The following ESRRG variants were observed in gnomAD, a reference collection of about 807,000 sequenced individuals.
ESRRG encodes the protein estrogen related receptor gamma, also known as estrogen-related receptor gamma.
Under a neutral mutation model 44.0 loss-of-function variants are expected in ESRRG, and 13 were observed. The ratio of observed to expected loss-of-function variants is 0.30; its 90% CI spans 0.19 to 0.47. The LOEUF is 0.47. Among genes scored for constraint, ESRRG ranks in the 20% least tolerant of loss-of-function variants. The probability of loss-of-function intolerance (pLI) is 1.00; values close to 1 mark genes in which losing one functional copy is unlikely to be tolerated. For missense variants in ESRRG, 395 were observed against 580.6 expected, an observed-to-expected ratio of 0.68 and a Z score of 3.29; for synonymous variants, 215 against 214.6, an observed-to-expected ratio of 1.00 and a Z score of -0.02.
In ESRRG at chr1:216,506,554, AAG is replaced by A. The variant is rs1290377863; in HGVS notation, c.*383_*384del. The stretch of plus-strand genomic sequence containing the variant: ...CTAAAGCTATTTCAAATTTAGAAAA[AAG>A]GGGAAGGATGAGAAAAGAGAGGAAT... On this transcript the variant is annotated 3_prime_UTR_variant, in exon 7 of 7. Coordinates refer to ENST00000408911, the MANE Select transcript of ESRRG (RefSeq NM_001438.4). 6.9e-6 allele frequency: 3 copies of A among 437,282 alleles called. No individual in the cohort carries two copies. The highest frequency in any genetic ancestry group is 9.0e-6 in the Non-Finnish European group (2 of 223,202). 27.1% of individuals were successfully genotyped at this position (437,282 alleles called of 1,614,324 possible).
chr1:216,801,932 T>C (rs558179524), intron 2 of ESRRG, among the ~76,000 whole-genome samples: 1 of 152,284 alleles, frequency 6.6e-6, no homozygotes, highest in East Asian at 1.9e-4. Flanking sequence ...TCAAAAATAC[T>C]CTGCAGATGG....
At chr1:216,699,782 T>G (rs1387159887) in intron 1 of ESRRG, among the ~76,000 whole-genome samples, 1 of 152,184 alleles carries the variant, frequency 6.6e-6, no homozygotes, top group Non-Finnish European at 1.5e-5. Flanking sequence ...TACCTCTTGC[T>G]GAAAAAGTCA....
rs542748496 is a variant in ESRRG, at chr1:216,859,529, G to A, written c.-14+80053C>T. ...GCATGCATGCAAGGAAACTATTGAA[G>A]GCTGGGAAAAGAATCATTAAAAAGT... On this transcript the variant is annotated intron_variant, in intron 2 of 7. Coordinates refer to the ESRRG transcript ENST00000359162. Among the ~76,000 whole-genome samples, 7 of 152,280 alleles carry A rather than the reference G, an allele frequency of 4.6e-5. No individual in the cohort carries two copies. The East Asian group carries it at 1.4e-3, about 29-fold the overall frequency.
At chr1:216,974,405 TG>T (rs2072423634) in intron 1 of ESRRG, among the ~76,000 whole-genome samples, 1 of 152,174 alleles carries the variant, frequency 6.6e-6, no homozygotes, top group Admixed American at 6.6e-5. Context: ...CTGAAACTCC[TG>T]ATATGACAAT....
At chr1:217,037,526 C>G (rs539901310) in intron 1 of ESRRG, among the ~76,000 whole-genome samples, 1 of 152,252 alleles carries the variant, frequency 6.6e-6, no homozygotes, top group South Asian at 2.1e-4. Context: ...TCAATCATCT[C>G]CTACTGAGTC....
intron 5 of ESRRG, among the ~76,000 whole-genome samples, chr1:216,526,675 A>G (rs1162364957): frequency 2.6e-5 from 4 of 152,200 alleles, no homozygotes; most frequent in Non-Finnish European, 4.4e-5. Context: ...TTATCTGTCA[A>G]TTGCAAACTG....
At chr1:216,979,228 G>A (rs2073507289) in intron 1 of ESRRG, among the ~76,000 whole-genome samples, 2 of 151,988 alleles carry the variant, frequency 1.3e-5, no homozygotes. Flanking sequence ...TGGACATGTT[G>A]AAAAAGACTT....
At chr1:216,589,111 T>C (rs1211305120) in intron 3 of ESRRG, among the ~76,000 whole-genome samples, 1 of 152,216 alleles carries the variant, frequency 6.6e-6, no homozygotes, top group African/African-American at 2.4e-5. Flanking sequence ...ATACTTGAGA[T>C]GATTTTGAGA....
At chr1:216,996,063 C>T (rs1362285960) in intron 1 of ESRRG, among the ~76,000 whole-genome samples, 5 of 152,114 alleles carry the variant, frequency 3.3e-5, no homozygotes, top group Non-Finnish European at 7.4e-5. Context: ...AGTTTATCCC[C>T]TTGCTAAAAG....
intron 1 of ESRRG, among the ~76,000 whole-genome samples, chr1:216,712,039 T>G (rs187808896): frequency 6.6e-6 from 1 of 152,236 alleles, no homozygotes; most frequent in Non-Finnish European, 1.5e-5. Flanking sequence ...GATTTCAAAT[T>G]TGACCTTCCT....
At chr1:216,992,186 G>T (rs142380850) in intron 1 of ESRRG, among the ~76,000 whole-genome samples, 2 of 152,276 alleles carry the variant, frequency 1.3e-5, no homozygotes, top group African/African-American at 4.8e-5. Flanking sequence ...AAGCTTCCAA[G>T]CTGTCAGTCT....
At chr1:216,671,128 T>C (rs554559396) in intron 2 of ESRRG, among the ~76,000 whole-genome samples, 3 of 152,346 alleles carry the variant, frequency 2.0e-5, no homozygotes, top group South Asian at 4.1e-4. Flanking sequence ...ACAGGGAAGA[T>C]ATGCTACTAC....
chr1:216,527,981 T>C (rs1318029091), intron 5 of ESRRG, among the ~76,000 whole-genome samples: 1 of 151,930 alleles, frequency 6.6e-6, no homozygotes, highest in East Asian at 1.9e-4. Flanking sequence ...TTTCCTGCTA[T>C]GTCTCCAGCT....
At chr1:217,083,391 A>G (rs1172927004) in intron 1 of ESRRG, among the ~76,000 whole-genome samples, 1 of 152,232 alleles carries the variant, frequency 6.6e-6, no homozygotes, top group African/African-American at 2.4e-5. Flanking sequence ...TAGTTAGTTT[A>G]TAGAAAGGAA....
intron 2 of ESRRG, among the ~76,000 whole-genome samples, chr1:216,939,060 T>A (rs374432540): frequency 3.3e-5 from 5 of 152,126 alleles, no homozygotes; most frequent in Non-Finnish European, 7.4e-5. Flanking sequence ...AATTGGAATC[T>A]AATGGATACC....
chr1:216,763,011 A>G (rs1488439789), intron 2 of ESRRG, among the ~76,000 whole-genome samples: 1 of 152,076 alleles, frequency 6.6e-6, no homozygotes, highest in Non-Finnish European at 1.5e-5. Context: ...ACTCCTATAG[A>G]AATTTTCTTT....
At position 216,503,643 on chromosome 1, in the gene ESRRG, C is replaced by T. The variant is rs1558112110; in HGVS notation, c.*3296G>A. On this transcript the variant is annotated 3_prime_UTR_variant, in exon 7 of 7. Coordinates refer to ENST00000408911, the MANE Select transcript of ESRRG (RefSeq NM_001438.4). ...TTTCCTAGGCAGGTAAACAGAGACG[C>T]TTAAATAATTAAAATACAATCACCA... The T allele has an allele frequency of 6.6e-6, 1 of 152,402 alleles. No homozygotes were observed. Among genetic ancestry groups the T allele is most frequent in the African/African-American group, 2.4e-5 (1 of 41,382 alleles). The allele number at this position is 152,402 out of a possible 1,614,324, so 9.4% of individuals were successfully genotyped here.
intron 1 of ESRRG, among the ~76,000 whole-genome samples, chr1:216,720,694 T>C (rs2086062470): frequency 1.3e-5 from 2 of 152,052 alleles, no homozygotes; most frequent in Non-Finnish European, 2.9e-5. Flanking sequence ...AAAGAAGAGA[T>C]GAGAAAAAGA....
intron 1 of ESRRG, among the ~76,000 whole-genome samples, chr1:217,126,960 A>G (rs138789162): frequency 6.6e-6 from 1 of 152,306 alleles, no homozygotes; most frequent in African/African-American, 2.4e-5. Flanking sequence ...AATAGATGTG[A>G]TATTACTTAT....
Sources: allele counts gnomAD v4.1 joint callset (sites outside exome capture counted in the v4.1 genomes callset), GRCh38; gene constraint gnomAD v4.1.1; transcripts MANE v1.5; gene names NCBI Gene and HGNC (gene_info 2026-07-23, HGNC 2026-07-21).